PPFIBP1: variants seen among roughly 807,000 people sequenced by gnomAD.
PPFIBP1 encodes the protein liprin-beta-1.
PPFIBP1 carries 112 observed loss-of-function variants against 137.8 expected under a neutral mutation model. The ratio of observed to expected loss-of-function variants is 0.81; its 90% confidence interval spans 0.70 to 0.95. The LOEUF (loss-of-function observed/expected upper bound fraction) is 0.95, where lower values mean the gene tolerates loss of function less well. Among genes scored for constraint, PPFIBP1 ranks in the 40% least tolerant of loss-of-function variants. The probability of loss-of-function intolerance (pLI) is 0.00; values close to 1 mark genes in which losing one functional copy is unlikely to be tolerated. For missense variants in PPFIBP1, 1,083 were observed against 1,196.6 expected, an observed-to-expected ratio of 0.91 and a Z score of 1.40; for synonymous variants, 378 against 417.3, an observed-to-expected ratio of 0.91 and a Z score of 1.15.
At chr12:27,553,796 T>C (rs7963570) in intron 1 of PPFIBP1, among the ~76,000 whole-genome samples, 104,223 of 152,136 alleles carry the variant, frequency 0.69, 35,756 homozygotes, top group African/African-American at 0.72. Context: ...GGAGTTAAGC[T>C]GGCTGCAGCC....
chr12:27,653,868 T>A (rs533290197), intron 7 of PPFIBP1, among the ~76,000 whole-genome samples: 1 of 152,288 alleles, frequency 6.6e-6, no homozygotes, highest in African/African-American at 2.4e-5. Context: ...AACACTAGGA[T>A]TGGTTTCTCT....
chr12:27,671,370 T>C, intron 13 of PPFIBP1, 61 bp from the exon 14 acceptor site: 1 of 924,848 alleles, frequency 1.1e-6, no homozygotes, highest in Non-Finnish European at 1.6e-6. Flanking sequence ...TTTATTTAAA[T>C]TACTCTGTGG....
intron 24 of PPFIBP1, among the ~76,000 whole-genome samples, chr12:27,684,223 C>T (rs1366928893): frequency 1.3e-5 from 2 of 152,196 alleles, no homozygotes; most frequent in Non-Finnish European, 2.9e-5. Context: ...ATTCTCCTGC[C>T]TCAGCCACCC....
chr12:27,541,496 C>T (rs943123599), intron 1 of PPFIBP1, among the ~76,000 whole-genome samples: 1 of 152,136 alleles, frequency 6.6e-6, no homozygotes, highest in Non-Finnish European at 1.5e-5. Context: ...TGTGAGAAGG[C>T]AGGCGGAGCA....
chr12:27,591,168 A>G (rs1264318911), intron 2 of PPFIBP1, among the ~76,000 whole-genome samples: 2 of 152,054 alleles, frequency 1.3e-5, no homozygotes, highest in Admixed American at 6.6e-5. Context: ...GGAAGAAAGA[A>G]GAGAGGAAGG....
intron 2 of PPFIBP1, among the ~76,000 whole-genome samples, chr12:27,632,445 G>T (rs1219512091): frequency 6.6e-6 from 1 of 152,180 alleles, no homozygotes; most frequent in African/African-American, 2.4e-5. Context: ...ATGCATTAAT[G>T]AATGCTGAAA....
Position 27,667,310 on chromosome 12 carries a change from T to G in PPFIBP1, c.1136T>G (p.Val379Gly), listed in dbSNP as rs1338381598. 2 of 1,601,438 alleles carry G rather than the reference T, an allele frequency of 1.2e-6. No homozygotes were observed. Among genetic ancestry groups the G allele is most frequent in the Admixed American group, 3.5e-5 (2 of 56,682 alleles). ...AGTTGTGACCCATTTAACACAAGTG[T>G]TCCCGAAGAGGTATTAATAGACTTT... ...SPSCDPFNTS[V>G]PEEFHTTILQ... Residue 379 changes from valine to glycine, a missense_variant, in exon 13 of 30, where the codon GTT becomes GGT. Physicochemically the swap from Val to Gly is moderately radical, Grantham distance 109. Coordinates refer to ENST00000228425, the MANE Select transcript of PPFIBP1 (RefSeq NM_003622.4).
At chr12:27,533,746 G>A (rs1944655587) in intron 1 of PPFIBP1, among the ~76,000 whole-genome samples, 1 of 152,212 alleles carries the variant, frequency 6.6e-6, no homozygotes, top group African/African-American at 2.4e-5. Context: ...ACAAGAGTAT[G>A]TAGAGTAAAA....
At position 27,625,019 on chromosome 12, in the gene PPFIBP1, C is replaced by T. The variant is rs141420309; in HGVS notation, c.-35-8343C>T. Among the ~76,000 whole-genome samples the T allele has an allele frequency of 4.5e-3, 692 of 152,220 alleles. 7 individuals are homozygous for T. Among genetic ancestry groups the T allele is most frequent in the African/African-American group, 0.016 (656 of 41,526 alleles). On this transcript the variant is annotated intron_variant, in intron 2 of 29. Transcript: ENST00000228425. ...GGTGCAGTGGCTCACACCTCTACTC[C>T]CAGTACTTTTGGAGGCTGAGGTGAG... is the stretch of plus-strand genomic sequence containing the variant.
At chr12:27,592,213 C>T (rs2137320662) in intron 2 of PPFIBP1, among the ~76,000 whole-genome samples, 1 of 152,320 alleles carries the variant, frequency 6.6e-6, no homozygotes, top group East Asian at 1.9e-4. Flanking sequence ...GTCGTCCTTT[C>T]TGTCACTGTT....
intron 11 of PPFIBP1, 58 bp downstream of exon 11, chr12:27,661,003 T>A: frequency 6.3e-7 from 1 of 1,593,980 alleles, no homozygotes; most frequent in South Asian, 1.1e-5. Context: ...TTTTGACCAT[T>A]CCATGCAATT....
intron 2 of PPFIBP1, among the ~76,000 whole-genome samples, chr12:27,578,593 T>C (rs909929729): frequency 6.6e-6 from 1 of 152,184 alleles, no homozygotes; most frequent in African/African-American, 2.4e-5. Context: ...CACTACCTTA[T>C]CTACACCAGC....
chr12:27,647,053 G>C (rs2058554303), intron 5 of PPFIBP1, among the ~76,000 whole-genome samples: 1 of 152,226 alleles, frequency 6.6e-6, no homozygotes, highest in South Asian at 2.1e-4. Flanking sequence ...CGAGACGGGA[G>C]TGCAGTGGCA....
intron 2 of PPFIBP1, among the ~76,000 whole-genome samples, chr12:27,612,333 T>G (rs1332715171): frequency 2.2e-5 from 3 of 138,394 alleles, no homozygotes; most frequent in South Asian, 2.5e-4. Context: ...TTGGTGTTTT[T>G]TTTTTTTTTT....
In PPFIBP1 at chr12:27,695,509, A is replaced by G. The variant is rs899951810; in HGVS notation, c.*2627A>G. On this transcript the variant is annotated 3_prime_UTR_variant, in exon 30 of 30. Transcript: ENST00000228425. ...ATGACGTATTTTATTTACAAATATCATACACTGCTGGTGTTACCATATGAA... is the reference window on the plus strand; with the variant it reads ...ATGACGTATTTTATTTACAAATATCGTACACTGCTGGTGTTACCATATGAA... The G allele has an allele frequency of 6.6e-6, 1 of 152,200 alleles. No individual in the cohort carries two copies. Among genetic ancestry groups the G allele is most frequent in the African/African-American group, 2.4e-5 (1 of 41,454 alleles). The allele number at this position is 152,200 out of a possible 1,614,324, so 9.4% of individuals were successfully genotyped here.
intron 7 of PPFIBP1, among the ~76,000 whole-genome samples, chr12:27,652,818 C>G (rs1206831870): frequency 2.0e-5 from 3 of 152,170 alleles, no homozygotes; most frequent in African/African-American, 4.8e-5. Flanking sequence ...ATGAATATCA[C>G]TAAGGACTCA....
chr12:27,551,578 CA>C (rs10710098), intron 1 of PPFIBP1, among the ~76,000 whole-genome samples: 25,554 of 152,094 alleles, frequency 0.17, 2,663 homozygotes, highest in Middle Eastern at 0.27. Flanking sequence ...TTTGATGTTC[CA>C]TTGTGTAATG....
Position 27,673,846 on chromosome 12 carries a change from G to GTT in PPFIBP1, c.1380+27_1380+28dup, listed in dbSNP as rs540919156. On this transcript the variant is annotated intron_variant, in intron 16 of 29. Transcript: ENST00000228425. The stretch of plus-strand genomic sequence containing the variant: ...TGATGGGGTGGGTTCTGTGTTTTTT[G>GTT]TTTTTTTTTGTCTGTTATCCTGAGA... 1.1e-5 allele frequency: 17 copies of GTT among 1,582,834 alleles called. No individual in the cohort carries two copies. The African/African-American group carries it at 2.0e-4, about 19-fold the overall frequency.
intron 1 of PPFIBP1, among the ~76,000 whole-genome samples, chr12:27,544,549 AAAAC>A (rs750065394): frequency 1.3e-5 from 2 of 152,240 alleles, no homozygotes; most frequent in East Asian, 1.9e-4. Flanking sequence ...TTACAAGAAA[AAAAC>A]AAACAACCCC....
Sources: gnomAD v4.1 joint callset for allele counts (sites outside exome capture counted in the v4.1 genomes callset) on GRCh38, gnomAD v4.1.1 for gene constraint, MANE v1.5 for transcripts, NCBI Gene and HGNC (gene_info 2026-07-23, HGNC 2026-07-21) for gene names.